TTC28: variants seen among roughly 807,000 people sequenced by gnomAD.
TTC28 encodes the protein tetratricopeptide repeat domain 28, also known as tetratricopeptide repeat protein 28.
TTC28 carries 61 observed loss-of-function variants against 198.0 expected under a neutral mutation model. The ratio of observed to expected loss-of-function variants is 0.31; its 90% CI spans 0.25 to 0.38. The LOEUF is 0.38. Ranked by LOEUF, TTC28 falls within the 10% of genes least tolerant of loss-of-function variation. TTC28 has a pLI of 1.00. For synonymous variants in TTC28, 1,171 were observed against 1,297.8 expected (o/e 0.90, Z 2.10); for missense variants, 2,678 against 3,164.0 (o/e 0.85, Z 3.69).
At chr22:28,210,365 C>T (rs1016263584) in intron 5 of TTC28, among the ~76,000 whole-genome samples, 6 of 151,974 alleles carry the variant, frequency 3.9e-5, no homozygotes, top group African/African-American at 9.7e-5. Flanking sequence ...GGAGGATGTT[C>T]GAAGAAAAGA....
At chr22:28,337,145 C>T (rs982876044) in intron 2 of TTC28, among the ~76,000 whole-genome samples, 14 of 152,028 alleles carry the variant, frequency 9.2e-5, no homozygotes, top group Admixed American at 2.0e-4. Flanking sequence ...TGTAGTTGCG[C>T]GGTTTTCAGT....
At chr22:28,118,016 C>T (rs986949373) in intron 6 of TTC28, among the ~76,000 whole-genome samples, 16 of 152,190 alleles carry the variant, frequency 1.1e-4, no homozygotes, top group Middle Eastern at 6.8e-3. Flanking sequence ...GTGATTATTA[C>T]GCATTATATG....
intron 6 of TTC28, among the ~76,000 whole-genome samples, chr22:28,158,018 T>G (rs959069856): frequency 2.0e-5 from 3 of 151,714 alleles, no homozygotes; most frequent in African/African-American, 7.3e-5. Flanking sequence ...TGGAAAAATC[T>G]AAAGACTCCA....
At chr22:28,336,984 T>C (rs2045733390) in intron 2 of TTC28, among the ~76,000 whole-genome samples, 1 of 152,352 alleles carries the variant, frequency 6.6e-6, no homozygotes, top group Middle Eastern at 3.4e-3. Flanking sequence ...TTTAGTGCTA[T>C]AAATTTCCCT....
At chr22:28,159,546 C>T (rs1254606413) in intron 6 of TTC28, among the ~76,000 whole-genome samples, 3 of 151,800 alleles carry the variant, frequency 2.0e-5, no homozygotes, top group Admixed American at 2.0e-4. Flanking sequence ...GTAGTCCCAG[C>T]TACCCGGGAG....
At chr22:28,335,967 C>T (rs1304500791) in intron 2 of TTC28, among the ~76,000 whole-genome samples, 1 of 152,144 alleles carries the variant, frequency 6.6e-6, no homozygotes, top group Non-Finnish European at 1.5e-5. Context: ...ATGATATTGG[C>T]TGTGGGTTTG....
In TTC28 at chr22:28,038,617, T is replaced by G. The variant is rs536361097; in HGVS notation, c.3933-8251A>C. Among the ~76,000 whole-genome samples, 691 of 152,276 alleles carry G rather than the reference T, an allele frequency of 4.5e-3. 4 individuals carry two copies. The highest frequency in any genetic ancestry group is 6.3e-3 in the Non-Finnish European group (426 of 68,032). Reference sequence around the variant, plus strand: ...TCAGGACATAGGCATGGCCAAGGACTTCATGTCTAAAACACCAAAAGCAAT... The same window carrying G: ...TCAGGACATAGGCATGGCCAAGGACGTCATGTCTAAAACACCAAAAGCAAT... On this transcript the variant is annotated intron_variant, in intron 12 of 22. Coordinates refer to ENST00000397906, the MANE Select transcript of TTC28 (RefSeq NM_001145418.2).
chr22:28,478,537 T>C lies in TTC28; in HGVS notation c.381+151015A>G, dbSNP rs577969063. Among the ~76,000 whole-genome samples, 14 of 151,956 alleles carry C rather than the reference T, an allele frequency of 9.2e-5. No individual in the cohort carries two copies. The East Asian group carries it at 2.1e-3, about 23-fold the overall frequency. On this transcript the variant is annotated intron_variant, in intron 2 of 22. Coordinates refer to ENST00000397906, the MANE Select transcript of TTC28 (RefSeq NM_001145418.2). ...ATCAAATCAAATAAAATAGTCCTTA[T>C]CTTTTAGACATGCATGTTGAAATAT...
intron 5 of TTC28, among the ~76,000 whole-genome samples, chr22:28,204,477 A>C (rs1030211068): frequency 6.6e-6 from 1 of 152,170 alleles, no homozygotes; most frequent in Non-Finnish European, 1.5e-5. Context: ...GAAACTGTCC[A>C]CATTTTCCAT....
intron 2 of TTC28, among the ~76,000 whole-genome samples, chr22:28,487,380 A>G (rs1175621419): frequency 6.6e-6 from 1 of 151,924 alleles, no homozygotes; most frequent in Non-Finnish European, 1.5e-5. Flanking sequence ...AAATATACAC[A>G]TAAACATATA....
Position 28,014,383 on chromosome 22 carries a change from C to T in TTC28, c.4083G>A (p.Gln1361=), listed in dbSNP as rs61739479. The T allele has an allele frequency of 2.6e-5, 40 of 1,549,786 alleles. No homozygotes were observed. The highest frequency in any genetic ancestry group is 3.5e-5 in the Non-Finnish European group (40 of 1,146,088). Residue 1361 remains glutamine, a synonymous_variant, in exon 14 of 23, where the codon CAG becomes CAA. Transcript: ENST00000397906. ...TGTTACTGAACAGGCTCGTCATGCTCTGGCAGCTCCTGGGGAGGGAAGGGC... is the reference window on the plus strand; with the variant it reads ...TGTTACTGAACAGGCTCGTCATGCTTTGGCAGCTCCTGGGGAGGGAAGGGC... ...RRNNLFNRSC[Q]SMTSLFSNTV...
intron 8 of TTC28, among the ~76,000 whole-genome samples, chr22:28,102,519 T>G (rs564954662): frequency 6.6e-6 from 1 of 152,326 alleles, no homozygotes; most frequent in East Asian, 1.9e-4. Flanking sequence ...TAGGCAGTTC[T>G]CAGCATCACT....
chr22:28,182,670 G>T (rs1041151495), intron 5 of TTC28, among the ~76,000 whole-genome samples: 1 of 152,186 alleles, frequency 6.6e-6, no homozygotes, highest in African/African-American at 2.4e-5. Flanking sequence ...TATAGGCTAA[G>T]ATCTCCTGAA....
intron 1 of TTC28, among the ~76,000 whole-genome samples, chr22:28,663,454 C>T (rs2051786403): frequency 2.1e-5 from 3 of 144,886 alleles, no homozygotes; most frequent in Admixed American, 6.9e-5. Context: ...CGTGCGCGAG[C>T]CGAAGCAGGG....
chr22:28,398,658 C>A (rs1366048463), intron 2 of TTC28, among the ~76,000 whole-genome samples: 1 of 152,204 alleles, frequency 6.6e-6, no homozygotes, highest in Non-Finnish European at 1.5e-5. Flanking sequence ...CAGAAAAAGC[C>A]TGCTGTGCCT....
At chr22:28,110,169 GGTGA>G (rs1287852937) in intron 6 of TTC28, among the ~76,000 whole-genome samples, 1 of 152,164 alleles carries the variant, frequency 6.6e-6, no homozygotes, top group East Asian at 1.9e-4. Context: ...TGCAGTGCAG[GGTGA>G]GTCTGTGGGG....
At chr22:28,527,713 G>C (rs1914740971) in intron 2 of TTC28, among the ~76,000 whole-genome samples, 2 of 152,088 alleles carry the variant, frequency 1.3e-5, no homozygotes, top group Admixed American at 1.3e-4. Flanking sequence ...ACAGCTCACT[G>C]CAGCCTTGAC....
At chr22:28,053,167 T>C (rs1940152270) in intron 12 of TTC28, among the ~76,000 whole-genome samples, 1 of 152,252 alleles carries the variant, frequency 6.6e-6, no homozygotes, top group Non-Finnish European at 1.5e-5. Flanking sequence ...TTCTGCCTTG[T>C]CAGCCTTGAA....
chr22:27,992,006 C>CCTGGTGGG (rs961020660), intron 19 of TTC28, among the ~76,000 whole-genome samples: 3 of 151,554 alleles, frequency 2.0e-5, no homozygotes, highest in African/African-American at 7.3e-5. Flanking sequence ...CTGCAGCCAT[C>CCTGGTGGG]CTGGTGGGCT....
Sources: allele counts gnomAD v4.1 joint callset (sites outside exome capture counted in the v4.1 genomes callset), GRCh38; gene constraint gnomAD v4.1.1; transcripts MANE v1.5; gene names NCBI Gene and HGNC (gene_info 2026-07-23, HGNC 2026-07-21).